The following SPON1 variants were observed in gnomAD, a reference collection of about 807,000 sequenced individuals.
SPON1 encodes the protein spondin-1.
Under a neutral mutation model 111.7 loss-of-function variants are expected in SPON1, and 52 were observed. The ratio of observed to expected loss-of-function variants is 0.47; its 90% CI spans 0.37 to 0.59. The LOEUF is 0.59. SPON1 is among the 20% of genes least tolerant of loss of function. The probability of loss-of-function intolerance (pLI) is 0.00; values close to 1 mark genes in which losing one functional copy is unlikely to be tolerated. For missense variants in SPON1, 957 were observed against 1,068.5 expected (o/e 0.90, Z 1.46); for synonymous variants, 410 against 395.8 (o/e 1.04, Z -0.43).
chr11:14,051,304 GT>G (rs1327948171), intron 3 of SPON1, among the ~76,000 whole-genome samples: 39 of 152,292 alleles, frequency 2.6e-4, no homozygotes, highest in African/African-American at 9.1e-4. Context: ...AGAAGCCAAG[GT>G]GGGAGGATCG....
At chr11:14,125,669 G>A (rs1356391414) in intron 5 of SPON1, among the ~76,000 whole-genome samples, 1 of 152,190 alleles carries the variant, frequency 6.6e-6, no homozygotes, top group Admixed American at 6.5e-5. Flanking sequence ...GATTGGCAGG[G>A]GAATGCAGCC....
At chr11:14,098,473 A>G (rs781869724) in intron 5 of SPON1, among the ~76,000 whole-genome samples, 6 of 152,190 alleles carry the variant, frequency 3.9e-5, no homozygotes, top group Non-Finnish European at 5.9e-5. Flanking sequence ...GTAATTATAA[A>G]CTATTCACAA....
intron 5 of SPON1, among the ~76,000 whole-genome samples, chr11:14,123,158 C>G (rs1428127500): frequency 6.6e-6 from 1 of 152,040 alleles, no homozygotes; most frequent in Non-Finnish European, 1.5e-5. Flanking sequence ...ATCTCAAACT[C>G]CTGTGCTCAA....
chr11:14,075,317 A>G, intron 3 of SPON1, 28 bp from the exon 4 acceptor site: 1 of 1,543,956 alleles, frequency 6.5e-7, no homozygotes, highest in Non-Finnish European at 8.8e-7. Context: ...CCTCCTCACC[A>G]CTGTGCTTGG....
At chr11:14,057,801 C>T (rs1848755935) in intron 3 of SPON1, among the ~76,000 whole-genome samples, 1 of 138,476 alleles carries the variant, frequency 7.2e-6, no homozygotes, top group Admixed American at 7.9e-5. Context: ...TCAAGACCAG[C>T]CTGGAAAACG....
chr11:14,207,837 G>GAAAT (rs1848532041), intron 6 of SPON1, among the ~76,000 whole-genome samples: 1 of 152,146 alleles, frequency 6.6e-6, no homozygotes, highest in Non-Finnish European at 1.5e-5. Context: ...ATTCAGCCCA[G>GAAAT]CAATCCCATT....
chr11:14,034,966 T>C (rs2133810418), intron 2 of SPON1, among the ~76,000 whole-genome samples: 1 of 152,374 alleles, frequency 6.6e-6, no homozygotes, highest in East Asian at 1.9e-4. Flanking sequence ...GGGTCCTCAC[T>C]GGACTCACTA....
intron 5 of SPON1, among the ~76,000 whole-genome samples, chr11:14,131,919 T>A (rs1847533877): frequency 6.6e-6 from 1 of 152,242 alleles, no homozygotes; most frequent in Non-Finnish European, 1.5e-5. Flanking sequence ...CATAGTCTTA[T>A]TCCTTCCCCC....
Position 14,259,320 on chromosome 11 carries a change from G to A in SPON1, c.1533G>A (p.Ser511=), listed in dbSNP as rs913299687. 19 of 1,612,900 alleles carry A rather than the reference G, an allele frequency of 1.2e-5. No individual in the cohort carries two copies. The highest frequency in any genetic ancestry group is 1.6e-4 in the Middle Eastern group (1 of 6,080). ...CCATGTCCGAGTGGATCACCTGGTC[G>A]CCCTGCAGCATCTCCTGCGGCATGG... The part of the protein sequence containing the change: ...TCTMSEWITW[S]PCSISCGMGM... The change falls in exon 12 of 16, where the codon TCG becomes TCA. Residue 511 remains serine (S), a synonymous_variant. Transcript: ENST00000576479. This position sits in a 1 kb window ranked among gnomAD's most constrained non-coding sequence, Gnocchi z 5.0.
At chr11:14,077,863 C>T (rs1848930595) in intron 4 of SPON1, among the ~76,000 whole-genome samples, 1 of 148,756 alleles carries the variant, frequency 6.7e-6, no homozygotes, top group Non-Finnish European at 1.5e-5. Flanking sequence ...GGAAGGGAAA[C>T]GCAGAAAAAA....
chr11:14,064,071 G>A (rs1242606303), intron 3 of SPON1, among the ~76,000 whole-genome samples: 1 of 152,104 alleles, frequency 6.6e-6, no homozygotes, highest in African/African-American at 2.4e-5. Context: ...TGAATTATGG[G>A]GAAAGTCAGT....
intron 3 of SPON1, among the ~76,000 whole-genome samples, chr11:14,050,240 G>T (rs1332098220): frequency 6.6e-6 from 1 of 152,130 alleles, no homozygotes; most frequent in Non-Finnish European, 1.5e-5. Flanking sequence ...TTATTTGTAG[G>T]AACTCCTCCC....
intron 2 of SPON1, among the ~76,000 whole-genome samples, chr11:13,996,603 G>C (rs1848273963): frequency 6.6e-6 from 1 of 151,900 alleles, no homozygotes; most frequent in African/African-American, 2.4e-5. Flanking sequence ...TACAGAGAAA[G>C]ATAAAAAAGA....
intron 2 of SPON1, among the ~76,000 whole-genome samples, chr11:14,034,709 C>T (rs1254064836): frequency 1.3e-5 from 2 of 152,168 alleles, no homozygotes; most frequent in Admixed American, 6.5e-5. Flanking sequence ...TGGACTTTGG[C>T]TTCAGACAAC....
chr11:14,045,760 TC>T (rs2133815862), intron 3 of SPON1, among the ~76,000 whole-genome samples: 2 of 151,724 alleles, frequency 1.3e-5, no homozygotes, highest in African/African-American at 4.8e-5. Flanking sequence ...CTTTAGGTAG[TC>T]CAGATAATGA....
At chr11:14,081,933 C>A (rs1848965544) in intron 5 of SPON1, among the ~76,000 whole-genome samples, 1 of 152,160 alleles carries the variant, frequency 6.6e-6, no homozygotes, top group Non-Finnish European at 1.5e-5. Flanking sequence ...CTAGTTCATT[C>A]TTCTGACTCT....
At chr11:14,007,123 C>T (rs926954674) in intron 2 of SPON1, among the ~76,000 whole-genome samples, 2 of 152,152 alleles carry the variant, frequency 1.3e-5, no homozygotes, top group Non-Finnish European at 2.9e-5. Flanking sequence ...CTCAGATCAT[C>T]AGGCATTAGA....
At chr11:14,262,679 G>A (rs782107933) in intron 14 of SPON1, 33 bp from the exon 15 acceptor site, 1 of 1,613,376 alleles carries the variant, frequency 6.2e-7, no homozygotes, top group South Asian at 1.1e-5. Flanking sequence ...TTTCAGACAT[G>A]TGATACACTC....
chr11:14,062,838 A>G (rs1409558997), intron 3 of SPON1, among the ~76,000 whole-genome samples: 1 of 152,202 alleles, frequency 6.6e-6, no homozygotes, highest in Non-Finnish European at 1.5e-5. Context: ...ATTTACAAAC[A>G]AAGCAGTGAC....
Sources: gnomAD v4.1 joint callset for allele counts (sites outside exome capture counted in the v4.1 genomes callset) on GRCh38, gnomAD v4.1.1 for gene constraint, Gnocchi (gnomAD v3.1) non-coding constraint, MANE v1.5 for transcripts, NCBI Gene and HGNC (gene_info 2026-07-23, HGNC 2026-07-21) for gene names.